Variants in ATP6V1E2 observed in about 807,000 individuals in gnomAD.
ATP6V1E2 encodes the protein ATPase H+ transporting V1 subunit E2.
For missense variants in ATP6V1E2, 308 were observed against 273.3 expected (o/e 1.13, Z -0.90); for synonymous variants, 121 against 104.2 (o/e 1.16, Z -0.98).
intron 4 of ATP6V1E2, among the ~76,000 whole-genome samples, chr2:46,525,856 G>T (rs1392216690): frequency 6.6e-6 from 1 of 151,106 alleles, no homozygotes; most frequent in African/African-American, 2.4e-5. Flanking sequence ...AGAGTCATTT[G>T]CTTCAAAGCT....
chr2:46,520,854 T>C (rs189048547), intron 4 of ATP6V1E2, among the ~76,000 whole-genome samples: 1 of 148,198 alleles, frequency 6.7e-6, no homozygotes, highest in Non-Finnish European at 1.5e-5. Flanking sequence ...GAAGGGAGGC[T>C]TTTTTTTTTC....
At chr2:46,520,709 G>A (rs773193011) in intron 4 of ATP6V1E2, among the ~76,000 whole-genome samples, 2 of 152,128 alleles carry the variant, frequency 1.3e-5, no homozygotes, top group South Asian at 2.1e-4. Context: ...AGCTGGATTC[G>A]GTGTTTGTTT....
At chr2:46,524,682 G>T (rs996048425) in intron 4 of ATP6V1E2, among the ~76,000 whole-genome samples, 1 of 152,182 alleles carries the variant, frequency 6.6e-6, no homozygotes, top group Non-Finnish European at 1.5e-5. Flanking sequence ...TAGTAAGGAT[G>T]GGCGCTGAGA....
intron 4 of ATP6V1E2, among the ~76,000 whole-genome samples, chr2:46,531,762 C>T (rs1237343252): frequency 6.6e-6 from 1 of 152,158 alleles, no homozygotes; most frequent in East Asian, 1.9e-4. Context: ...TTTTTATTTA[C>T]ATTTACCTAA....
chr2:46,540,337 C>T (rs1189330471), intron 2 of ATP6V1E2, among the ~76,000 whole-genome samples: 2 of 150,818 alleles, frequency 1.3e-5, no homozygotes, highest in Non-Finnish European at 2.9e-5. Context: ...TGGAGAATCA[C>T]TTGAACCAGG....
intron 2 of ATP6V1E2, among the ~76,000 whole-genome samples, chr2:46,540,613 C>CTTTTTTTTTTTTTTTTTT (rs59810518): frequency 3.5e-5 from 4 of 115,618 alleles, no homozygotes; most frequent in Non-Finnish European, 3.6e-5. Context: ...TTTTCTGTAA[C>CTTTTTTTTTTTTTTTTTT]TTTTTTTTTT....
At chr2:46,513,597 G>A (rs571715490) in intron 4 of ATP6V1E2, among the ~76,000 whole-genome samples, 1 of 152,216 alleles carries the variant, frequency 6.6e-6, no homozygotes. Flanking sequence ...AGGTTGAGAC[G>A]GGTGGATCAC....
At chr2:46,518,525 A>ACACACACAC (rs1553412653) in intron 4 of ATP6V1E2, among the ~76,000 whole-genome samples, 12 of 144,262 alleles carry the variant, frequency 8.3e-5, no homozygotes, top group Admixed American at 1.4e-4. Flanking sequence ...ACACACACAC[A>ACACACACAC]AATGCTATCC....
At chr2:46,516,219 A>G (rs1687703984) in intron 4 of ATP6V1E2, among the ~76,000 whole-genome samples, 1 of 152,234 alleles carries the variant, frequency 6.6e-6, no homozygotes, top group African/African-American at 2.4e-5. Context: ...CAACAGCAGC[A>G]CAATACACAT....
intron 4 of ATP6V1E2, among the ~76,000 whole-genome samples, chr2:46,514,255 G>A (rs1687611985): frequency 6.6e-6 from 1 of 151,654 alleles, no homozygotes; most frequent in Admixed American, 6.6e-5. Context: ...GTCCAGCTTG[G>A]GTGACAAGAG....
At chr2:46,538,321 C>A (rs1327852237) in intron 2 of ATP6V1E2, among the ~76,000 whole-genome samples, 1 of 152,188 alleles carries the variant, frequency 6.6e-6, no homozygotes, top group Non-Finnish European at 1.5e-5. Flanking sequence ...TGGAATATGG[C>A]AAATGCATTA....
rs1331848914 is a variant in ATP6V1E2, at chr2:46,535,974, C to A, written c.-216-47G>T. 1.3e-5 allele frequency: 2 copies of A among 152,144 alleles called. No individual in the cohort carries two copies. The highest frequency in any genetic ancestry group is 2.9e-5 in the Non-Finnish European group (2 of 68,028). The allele number at this position is 152,144 out of a possible 1,614,324, so 9.4% of individuals were successfully genotyped here. On this transcript the variant is annotated intron_variant, in intron 3 of 4. Coordinates refer to ENST00000522587, the MANE Select transcript of ATP6V1E2 (RefSeq NM_001318063.2). The surrounding 1 kb of genome is among the most constrained non-coding windows in gnomAD (Gnocchi z 4.4). ...TTAATTTCATTTTTGGAGGAGGGAT[C>A]TGTGATCTAGCCTCCTTTGGAGCCT...
At chr2:46,532,969 TTTG>T (rs1329170332) in intron 4 of ATP6V1E2, among the ~76,000 whole-genome samples, 2 of 152,022 alleles carry the variant, frequency 1.3e-5, no homozygotes, top group East Asian at 3.8e-4. Context: ...TTCTATCCCT[TTTG>T]TTATTATTGT....
intron 4 of ATP6V1E2, among the ~76,000 whole-genome samples, chr2:46,518,758 TTGTGTGTGTGTGTGTG>T (rs70940621): frequency 1.6e-4 from 22 of 140,716 alleles, no homozygotes; most frequent in African/African-American, 2.4e-4. Flanking sequence ...CAAGTCAATT[TTGTGTGTGTGTGTGTG>T]TGTGTGTGTG....
At chr2:46,524,780 G>C (rs1050991825) in intron 4 of ATP6V1E2, among the ~76,000 whole-genome samples, 1 of 152,232 alleles carries the variant, frequency 6.6e-6, no homozygotes, top group African/African-American at 2.4e-5. Flanking sequence ...AAAGGGGTCT[G>C]AGGTCTGCGT....
intron 4 of ATP6V1E2, among the ~76,000 whole-genome samples, chr2:46,533,270 T>A (rs1667278805): frequency 6.6e-6 from 1 of 151,516 alleles, no homozygotes; most frequent in African/African-American, 2.4e-5. Context: ...TTTGGGGTTT[T>A]TTTGTTTTGT....
chr2:46,527,380 C>T (rs552526884), intron 4 of ATP6V1E2, among the ~76,000 whole-genome samples: 1 of 152,136 alleles, frequency 6.6e-6, no homozygotes, highest in South Asian at 2.1e-4. Context: ...TGCCACCATG[C>T]CCGGCTAATT....
At chr2:46,525,481 A>AG (rs1242319973) in intron 4 of ATP6V1E2, among the ~76,000 whole-genome samples, 2 of 149,512 alleles carry the variant, frequency 1.3e-5, no homozygotes, top group East Asian at 3.9e-4. Context: ...AAAAAAGAAA[A>AG]AAAAAAAAGA....
chr2:46,513,359 T>G (rs999225242), intron 4 of ATP6V1E2, among the ~76,000 whole-genome samples: 6 of 152,206 alleles, frequency 3.9e-5, no homozygotes, highest in African/African-American at 7.2e-5. Context: ...CTAAAGAATG[T>G]TCCATGTGCA....
Sources: allele counts gnomAD v4.1 joint callset (sites outside exome capture counted in the v4.1 genomes callset), GRCh38; gene constraint gnomAD v4.1.1; non-coding constraint Gnocchi (gnomAD v3.1); transcripts MANE v1.5; gene names NCBI Gene and HGNC (gene_info 2026-07-23, HGNC 2026-07-21).